Variants in PPFIBP2 observed in about 807,000 individuals in gnomAD.
PPFIBP2 encodes liprin-beta-2.
PPFIBP2 carries 118 observed loss-of-function variants against 118.3 expected under a neutral mutation model. The observed-to-expected ratio is 1.00, with a 90% CI of 0.86 to 1.16. The LOEUF (loss-of-function observed/expected upper bound fraction) is 1.16, where lower values mean the gene tolerates loss of function less well. Ranked by LOEUF, PPFIBP2 falls within the 50% of genes most tolerant of loss-of-function variation. PPFIBP2 has a pLI of 0.00. For synonymous variants in PPFIBP2, 414 were observed against 397.4 expected (o/e 1.04, Z -0.50); for missense variants, 1,195 against 1,073.1 (o/e 1.11, Z -1.59).
intron 3 of PPFIBP2, chr11:7,577,648 T>C (rs530842080): frequency 1.1e-5 from 5 of 455,272 alleles, no homozygotes; most frequent in Non-Finnish European, 2.2e-5. Context: ...GGTAAGTGAC[T>C]GGCTGCTTTG....
intron 4 of PPFIBP2, among the ~76,000 whole-genome samples, chr11:7,595,440 T>C (rs1860106265): frequency 6.6e-6 from 1 of 152,244 alleles, no homozygotes; most frequent in Non-Finnish European, 1.5e-5. Flanking sequence ...GATTACAATT[T>C]AATTTTTCAA....
chr11:7,566,774 A>G (rs1471749334), intron 3 of PPFIBP2, among the ~76,000 whole-genome samples: 1 of 152,206 alleles, frequency 6.6e-6, no homozygotes, highest in African/African-American at 2.4e-5. Context: ...TTACATGTAT[A>G]TAACACATAG....
intron 5 of PPFIBP2, among the ~76,000 whole-genome samples, chr11:7,602,490 C>A (rs1268033138): frequency 1.3e-5 from 2 of 152,144 alleles, no homozygotes; most frequent in African/African-American, 4.8e-5. Context: ...GCTCCTCTGC[C>A]TCTGATCACT....
At chr11:7,620,571 G>A (rs1343701714) in intron 6 of PPFIBP2, among the ~76,000 whole-genome samples, 1 of 152,098 alleles carries the variant, frequency 6.6e-6, no homozygotes, top group Non-Finnish European at 1.5e-5. Flanking sequence ...GCATCACAGG[G>A]AAGAAGCTGC....
intron 1 of PPFIBP2, among the ~76,000 whole-genome samples, chr11:7,547,167 CG>C (rs1380607944): frequency 6.6e-6 from 1 of 152,062 alleles, no homozygotes; most frequent in African/African-American, 2.4e-5. Context: ...TACGTGGTGC[CG>C]GGGGGCGGTG....
chr11:7,577,710 G>GT (rs1225830412), intron 3 of PPFIBP2: 1 of 441,712 alleles, frequency 2.3e-6, no homozygotes, highest in African/African-American at 2.1e-5. Flanking sequence ...GGTGTTTTGG[G>GT]GTGTGTGTGC....
intron 1 of PPFIBP2, among the ~76,000 whole-genome samples, chr11:7,542,964 T>C (rs1342846767): frequency 1.3e-5 from 2 of 152,242 alleles, no homozygotes; most frequent in Non-Finnish European, 2.9e-5. Flanking sequence ...TAAAAGAGGT[T>C]AAAAGACTCA....
chr11:7,635,675 A>G lies in PPFIBP2; in HGVS notation c.1236+82A>G, dbSNP rs1851358373. On this transcript the variant is annotated intron_variant, in intron 14 of 23. Transcript: ENST00000299492. ...TAATTTAGCAAGTCATAGTTTTCAT[A>G]ACCTTAAAATGTGCCAACTGTAAGG... 14 of 1,462,560 alleles carry G rather than the reference A, an allele frequency of 9.6e-6. No homozygotes were observed. The South Asian group carries it at 1.6e-4, about 17-fold the overall frequency. The allele number at this position is 1,462,560 out of a possible 1,614,324, so 90.6% of individuals were successfully genotyped here.
the PPFIBP2 span, among the ~76,000 whole-genome samples, chr11:7,664,694 C>T: frequency 6.6e-6 from 1 of 151,952 alleles, no homozygotes; most frequent in Non-Finnish European, 1.5e-5. Flanking sequence ...GGAGCCAGGC[C>T]CTGGAGTGTG....
intron 2 of PPFIBP2, among the ~76,000 whole-genome samples, chr11:7,555,837 C>T (rs915261872): frequency 6.6e-6 from 1 of 152,144 alleles, no homozygotes; most frequent in African/African-American, 2.4e-5. Context: ...ACTATGTGTT[C>T]CTTAAATATT....
Position 7,649,162 on chromosome 11 carries a change from T to G in PPFIBP2, c.1925T>G (p.Ile642Ser). Residue 642 changes from isoleucine to serine, a missense_variant, in exon 20 of 24, where the codon ATT becomes AGT. Coordinates refer to ENST00000299492, the MANE Select transcript of PPFIBP2 (RefSeq NM_003621.5). ...HIWVTRWLDDIGLPQYKDQFH... is the reference protein window; with the variant it reads ...HIWVTRWLDDSGLPQYKDQFH... Reference sequence around the variant, plus strand: ...GTATTTGTAGGGTGGCTTGATGATATTGGCTTACCCCAGTACAAAGACCAG... The same window carrying G: ...GTATTTGTAGGGTGGCTTGATGATAGTGGCTTACCCCAGTACAAAGACCAG... The G allele has an allele frequency of 6.2e-7, 1 of 1,614,086 alleles. No individual in the cohort carries two copies. The highest frequency in any genetic ancestry group is 8.5e-7 in the Non-Finnish European group (1 of 1,179,954).
chr11:7,616,207 A>G lies in PPFIBP2; in HGVS notation c.619-4728A>G, dbSNP rs974624901. Reference sequence around the variant, plus strand: ...AAAAAGAAAAAATGGACTTGATTCCATGGATGCCTCTGACAGATACAAAAA... The same window carrying G: ...AAAAAGAAAAAATGGACTTGATTCCGTGGATGCCTCTGACAGATACAAAAA... On this transcript the variant is annotated intron_variant, in intron 6 of 23. Transcript: ENST00000299492. The surrounding 1 kb of genome is among the most constrained non-coding windows in gnomAD (Gnocchi z 5.2). 2.2e-4 allele frequency among the ~76,000 whole-genome samples: 34 copies of G among 152,188 alleles called. 1 individual carries two copies. The highest frequency in any genetic ancestry group is 8.2e-4 in the African/African-American group (34 of 41,450).
intron 1 of PPFIBP2, among the ~76,000 whole-genome samples, chr11:7,527,438 C>T (rs1405218415): frequency 6.6e-6 from 1 of 152,006 alleles, no homozygotes; most frequent in African/African-American, 2.4e-5. Context: ...GCATACTTCT[C>T]AGGTACTGTG....
At chr11:7,664,260 T>C in the PPFIBP2 span, among the ~76,000 whole-genome samples, 2 of 152,118 alleles carry the variant, frequency 1.3e-5, no homozygotes, top group South Asian at 4.1e-4. Flanking sequence ...GAAACATGAA[T>C]CATATTTTCC....
intron 1 of PPFIBP2, among the ~76,000 whole-genome samples, chr11:7,525,481 T>A (rs1449395968): frequency 2.6e-5 from 4 of 152,158 alleles, no homozygotes; most frequent in Non-Finnish European, 5.9e-5. Context: ...GGTGGGAAGT[T>A]GCATGCTCTG....
intron 8 of PPFIBP2, among the ~76,000 whole-genome samples, chr11:7,626,794 T>C (rs530924036): frequency 6.6e-5 from 10 of 152,324 alleles, no homozygotes; most frequent in African/African-American, 2.4e-4. Flanking sequence ...GATCATATAG[T>C]CCTACGGATT....
At chr11:7,636,219 G>A (rs1042154748) in intron 14 of PPFIBP2, among the ~76,000 whole-genome samples, 19 of 152,116 alleles carry the variant, frequency 1.2e-4, no homozygotes, top group African/African-American at 4.1e-4. Context: ...CTGCCTCCAT[G>A]TCCATATGAA....
intron 5 of PPFIBP2, among the ~76,000 whole-genome samples, chr11:7,604,796 A>G (rs902675546): frequency 2.6e-5 from 4 of 152,196 alleles, no homozygotes; most frequent in African/African-American, 9.7e-5. Flanking sequence ...AACCTAGAGT[A>G]GCACAGAGCT....
At chr11:7,517,251 G>C (rs1327836020) in intron 1 of PPFIBP2, among the ~76,000 whole-genome samples, 1 of 152,174 alleles carries the variant, frequency 6.6e-6, no homozygotes, top group Non-Finnish European at 1.5e-5. Context: ...TCGAGTGAGG[G>C]TGATGAGTTC....
Sources: allele counts gnomAD v4.1 joint callset (sites outside exome capture counted in the v4.1 genomes callset), GRCh38; gene constraint gnomAD v4.1.1; non-coding constraint Gnocchi (gnomAD v3.1); transcripts MANE v1.5; gene names NCBI Gene and HGNC (gene_info 2026-07-23, HGNC 2026-07-21).